ANKS1B: variants seen among roughly 807,000 people sequenced by gnomAD.
The protein encoded by ANKS1B is ankyrin repeat and sterile alpha motif domain containing 1B, also known as ankyrin repeat and sterile alpha motif domain-containing protein 1B.
Under a neutral mutation model 148.3 loss-of-function variants are expected in ANKS1B, and 36 were observed. That is an observed-to-expected ratio of 0.24 (90% CI 0.19 to 0.32). The LOEUF (loss-of-function observed/expected upper bound fraction) is 0.32, where lower values mean the gene tolerates loss of function less well. Ranked by LOEUF, ANKS1B falls within the 10% of genes least tolerant of loss-of-function variation. The pLI is 1.00. For missense variants in ANKS1B, 1,157 were observed against 1,542.6 expected, an observed-to-expected ratio of 0.75 and a Z score of 4.19; for synonymous variants, 542 against 560.8, an observed-to-expected ratio of 0.97 and a Z score of 0.47.
intron 22 of ANKS1B, chr12:98,794,881 C>T (rs1202154458): frequency 3.8e-5 from 60 of 1,599,844 alleles, no homozygotes; most frequent in Non-Finnish European, 4.7e-5. Context: ...CCATCTTATC[C>T]GAGCCCCTCT....
chr12:99,424,112 T>C (rs965961287), intron 11 of ANKS1B, among the ~76,000 whole-genome samples: 1 of 152,226 alleles, frequency 6.6e-6, no homozygotes, highest in African/African-American at 2.4e-5. Flanking sequence ...CATATACATA[T>C]ATATCCATAT....
chr12:99,696,508 A>T (rs977327418), intron 8 of ANKS1B, among the ~76,000 whole-genome samples: 2 of 152,220 alleles, frequency 1.3e-5, no homozygotes, highest in Admixed American at 6.5e-5. Flanking sequence ...ATGGTGCTGG[A>T]ACAACTGAAC....
intron 12 of ANKS1B, among the ~76,000 whole-genome samples, chr12:99,342,451 T>C (rs1287789650): frequency 1.3e-5 from 2 of 152,012 alleles, no homozygotes; most frequent in Non-Finnish European, 2.9e-5. Flanking sequence ...AAGTAAAAAC[T>C]GACCCTGCGA....
intron 18 of ANKS1B, 120 bp downstream of exon 18, chr12:98,831,909 C>T: frequency 2.2e-6 from 2 of 898,734 alleles, no homozygotes; most frequent in Non-Finnish European, 3.6e-6. Context: ...ACAACCACAC[C>T]TGGCTAAATT....
chr12:99,226,163 A>C (rs942158223), intron 14 of ANKS1B, among the ~76,000 whole-genome samples: 1 of 152,224 alleles, frequency 6.6e-6, no homozygotes, highest in African/African-American at 2.4e-5. Flanking sequence ...AACTAACAAT[A>C]GTATACCAGG....
intron 10 of ANKS1B, among the ~76,000 whole-genome samples, chr12:99,487,962 A>G (rs2096515633): frequency 6.6e-6 from 1 of 152,120 alleles, no homozygotes; most frequent in Non-Finnish European, 1.5e-5. Context: ...TCAAAATCCT[A>G]TCAGTTTTGG....
At chr12:99,447,870 T>C (rs571466754) in intron 10 of ANKS1B, among the ~76,000 whole-genome samples, 9 of 151,976 alleles carry the variant, frequency 5.9e-5, no homozygotes, top group Non-Finnish European at 1.0e-4. Context: ...ACACTAATCA[T>C]CAGAGAAATG....
At chr12:98,795,591 A>C (rs1432204767) in intron 22 of ANKS1B, 2 of 441,864 alleles carry the variant, frequency 4.5e-6, no homozygotes, top group South Asian at 1.6e-5. Context: ...TCTTTTAAAA[A>C]GCTCCTGTTT....
At position 98,779,551 on chromosome 12, in the gene ANKS1B, A is replaced by T. The variant is rs535632144; in HGVS notation, c.3441+1566T>A. On this transcript the variant is annotated intron_variant, in intron 24 of 26. Coordinates refer to ENST00000683438, the MANE Select transcript of ANKS1B (RefSeq NM_001352186.2). ...ATCCACTGAAAATATACTGCTATTCAAGCTTTCCAAGCATAAATGGGATAG... is the reference window on the plus strand; with the variant it reads ...ATCCACTGAAAATATACTGCTATTCTAGCTTTCCAAGCATAAATGGGATAG... Among the ~76,000 whole-genome samples, 24 of 152,274 alleles carry T rather than the reference A, an allele frequency of 1.6e-4. No individual in the cohort carries two copies. The South Asian group carries it at 4.6e-3, about 29-fold the overall frequency.
chr12:98,814,000 C>A (rs2099118755), intron 19 of ANKS1B, among the ~76,000 whole-genome samples: 1 of 152,154 alleles, frequency 6.6e-6, no homozygotes, highest in African/African-American at 2.4e-5. Flanking sequence ...CCTGCCTCAA[C>A]CTCTTGAGTA....
chr12:98,910,763 T>C (rs1193273289), intron 17 of ANKS1B, among the ~76,000 whole-genome samples: 2 of 152,214 alleles, frequency 1.3e-5, no homozygotes, highest in African/African-American at 2.4e-5. Flanking sequence ...AATGTCTTCA[T>C]TGACATAAAA....
At chr12:99,237,288 C>G (rs888574445) in intron 14 of ANKS1B, among the ~76,000 whole-genome samples, 3 of 151,908 alleles carry the variant, frequency 2.0e-5, no homozygotes, top group African/African-American at 4.8e-5. Context: ...GTCATTATAC[C>G]CAGCTGTATA....
chr12:99,178,362 T>C (rs2078660933), intron 14 of ANKS1B, among the ~76,000 whole-genome samples: 1 of 152,226 alleles, frequency 6.6e-6, no homozygotes, highest in Non-Finnish European at 1.5e-5. Flanking sequence ...GTAATGCACA[T>C]GTCTTGGCCC....
chr12:99,689,391 C>T lies in ANKS1B; in HGVS notation c.1129-34181G>A, dbSNP rs1875279. Among the ~76,000 whole-genome samples the T allele has an allele frequency of 6.1e-3, 922 of 152,258 alleles. 31 individuals are homozygous for T. The East Asian group carries it at 0.065, about 11-fold the overall frequency. On this transcript the variant is annotated intron_variant, in intron 8 of 26. Coordinates refer to ENST00000683438, the MANE Select transcript of ANKS1B (RefSeq NM_001352186.2). Reference sequence around the variant, plus strand: ...GAAGAATACAAGAGTAAGCTTAGTGCGTGTGGCAGGCAGAATTTTAAGATG... The same window carrying T: ...GAAGAATACAAGAGTAAGCTTAGTGTGTGTGGCAGGCAGAATTTTAAGATG...
Position 99,883,363 on chromosome 12 carries a change from T to C in ANKS1B, c.135-57974A>G, listed in dbSNP as rs114182363. Among the ~76,000 whole-genome samples, 1,145 of 152,018 alleles carry C rather than the reference T, an allele frequency of 7.5e-3. 10 individuals are homozygous for C. The highest frequency in any genetic ancestry group is 0.026 in the African/African-American group (1,086 of 41,456). The stretch of plus-strand genomic sequence containing the variant: ...AAAACAAACAAACAAAAAAAGAACC[T>C]CACGCATTATACAGAACTTATCTTA... On this transcript the variant is annotated intron_variant, in intron 1 of 26. Coordinates refer to ENST00000683438, the MANE Select transcript of ANKS1B (RefSeq NM_001352186.2).
intron 16 of ANKS1B, among the ~76,000 whole-genome samples, chr12:99,063,817 C>T (rs2043211371): frequency 6.6e-6 from 1 of 152,152 alleles, no homozygotes; most frequent in Non-Finnish European, 1.5e-5. Context: ...TATACTGTGA[C>T]TGTTGTTGGA....
At chr12:99,856,521 T>C (rs926634159) in intron 1 of ANKS1B, among the ~76,000 whole-genome samples, 2 of 151,980 alleles carry the variant, frequency 1.3e-5, no homozygotes, top group Non-Finnish European at 2.9e-5. Context: ...GAATCCTCCA[T>C]AAATCATTCT....
intron 25 of ANKS1B, among the ~76,000 whole-genome samples, chr12:98,763,804 G>T (rs149262253): frequency 1.3e-5 from 2 of 152,010 alleles, no homozygotes; most frequent in Non-Finnish European, 2.9e-5. Flanking sequence ...GTTGGTCTTC[G>T]CATGCCATTA....
At chr12:99,027,047 T>C (rs2099949155) in intron 17 of ANKS1B, among the ~76,000 whole-genome samples, 1 of 152,182 alleles carries the variant, frequency 6.6e-6, no homozygotes, top group Admixed American at 6.5e-5. Flanking sequence ...GAAGTTTGAG[T>C]CTTTGTGTAT....
Sources: gnomAD v4.1 joint callset for allele counts (sites outside exome capture counted in the v4.1 genomes callset) on GRCh38, gnomAD v4.1.1 for gene constraint, MANE v1.5 for transcripts, NCBI Gene and HGNC (gene_info 2026-07-23, HGNC 2026-07-21) for gene names.